The following ANKRD18A variants were observed in gnomAD, a reference collection of about 807,000 sequenced individuals.
The protein encoded by ANKRD18A is ankyrin repeat domain-containing protein 18A.
In ANKRD18A, 72 loss-of-function variants were observed where a neutral mutation model predicts 110.6. The observed-to-expected ratio is 0.65, with a 90% CI of 0.54 to 0.79. The LOEUF (loss-of-function observed/expected upper bound fraction) is 0.79. Among genes scored for constraint, ANKRD18A ranks in the 30% least tolerant of loss-of-function variants. The pLI is 0.00. For missense variants in ANKRD18A, 934 were observed against 1,163.3 expected, an observed-to-expected ratio of 0.80 and a Z score of 2.87; for synonymous variants, 305 against 410.3, an observed-to-expected ratio of 0.74 and a Z score of 3.10.
chr9:38,585,936 T>A (rs1158691639), intron 12 of ANKRD18A, among the ~76,000 whole-genome samples: 8 of 152,144 alleles, frequency 5.3e-5, no homozygotes, highest in Admixed American at 2.6e-4. Flanking sequence ...ATCTTCTTAC[T>A]TATAAGTGGG....
intron 5 of ANKRD18A, among the ~76,000 whole-genome samples, chr9:38,608,709 TATA>T (rs1296903158): frequency 4.8e-5 from 7 of 146,978 alleles, no homozygotes; most frequent in Non-Finnish European, 1.1e-4. Context: ...ATATACATTA[TATA>T]ATAATTATAT....
chr9:38,616,839 T>C (rs1039740025), intron 1 of ANKRD18A, among the ~76,000 whole-genome samples: 2 of 152,220 alleles, frequency 1.3e-5, no homozygotes, highest in Non-Finnish European at 2.9e-5. Context: ...TGCAGGATGA[T>C]TTAAAGATTA....
At chr9:38,583,415 G>T (rs1587494133) in intron 12 of ANKRD18A, among the ~76,000 whole-genome samples, 1 of 152,128 alleles carries the variant, frequency 6.6e-6, no homozygotes, top group African/African-American at 2.4e-5. Flanking sequence ...ACGGAGTCTT[G>T]TTCCGTAGCC....
intron 5 of ANKRD18A, among the ~76,000 whole-genome samples, chr9:38,609,882 C>A (rs2118863424): frequency 6.7e-6 from 1 of 149,794 alleles, no homozygotes; most frequent in Middle Eastern, 3.4e-3. Context: ...GTTTGCGAGG[C>A]CAAGGCAGGA....
At chr9:38,583,929 G>A (rs2890808) in intron 12 of ANKRD18A, among the ~76,000 whole-genome samples, 38,399 of 152,124 alleles carry the variant, frequency 0.25, 5,354 homozygotes, top group East Asian at 0.45. Context: ...GTCCGGTGCA[G>A]ATAAGGGAAC....
At chr9:38,580,898 G>A (rs1824133630) in intron 12 of ANKRD18A, among the ~76,000 whole-genome samples, 2 of 151,844 alleles carry the variant, frequency 1.3e-5, no homozygotes, top group Admixed American at 1.3e-4. Context: ...AGAGAGATCA[G>A]TCCACAAAGA....
At chr9:38,607,182 G>A (rs1825399218) in intron 6 of ANKRD18A, among the ~76,000 whole-genome samples, 2 of 151,948 alleles carry the variant, frequency 1.3e-5, no homozygotes, top group South Asian at 2.1e-4. Flanking sequence ...TCAGCCTCCC[G>A]AGTAGCTGGG....
chr9:38,595,436 G>A, intron 9 of ANKRD18A, 50 bp downstream of exon 9: 1 of 1,385,370 alleles, frequency 7.2e-7, no homozygotes, highest in South Asian at 1.7e-5. Context: ...TAGCCAGAAT[G>A]AAATATTTAA....
At chr9:38,619,347 C>T (rs543074294) in intron 1 of ANKRD18A, among the ~76,000 whole-genome samples, 1 of 152,226 alleles carries the variant, frequency 6.6e-6, no homozygotes, top group African/African-American at 2.4e-5. Flanking sequence ...GAAACGTTAC[C>T]ATTATCCATC....
downstream of ANKRD18A, chr9:38,566,472 G>C (rs1234227845): frequency 2.0e-5 from 3 of 152,084 alleles, no homozygotes; most frequent in Non-Finnish European, 4.4e-5. Context: ...TCAGGATTTT[G>C]GTCACAACCA....
intron 5 of ANKRD18A, among the ~76,000 whole-genome samples, chr9:38,608,603 CTATA>C (rs991698384): frequency 7.2e-6 from 1 of 138,442 alleles, no homozygotes; most frequent in African/African-American, 2.7e-5. Context: ...AACTATATAG[CTATA>C]TATATTTATA....
intron 3 of ANKRD18A, among the ~76,000 whole-genome samples, chr9:38,614,766 T>C (rs565897031): frequency 1.3e-5 from 2 of 152,316 alleles, no homozygotes; most frequent in African/African-American, 2.4e-5. Flanking sequence ...GATTTTGCTA[T>C]TTATAAGCTG....
chr9:38,611,233 G>A lies in ANKRD18A; in HGVS notation c.584C>T (p.Ala195Val), dbSNP rs1825606902. 12 of 1,523,858 alleles carry A rather than the reference G, an allele frequency of 7.9e-6. No individual in the cohort carries two copies. Among genetic ancestry groups the A allele is most frequent in the Non-Finnish European group, 1.1e-5 (12 of 1,139,382 alleles). The allele number at this position is 1,523,858 out of a possible 1,614,324, so 94.4% of individuals were successfully genotyped here. A position where few individuals can be genotyped will look rare whatever the true frequency, so the allele number is the denominator to read the frequency against. ...ATTGCACCTTTTGAAATTGTCAACG[G>A]CATGTATATTTGCCTGGTTCTTCAA... ...FLLKNQANIH[A>V]VDNFKRTALI... The change falls in exon 4 of 16, where the codon GCC becomes GTC. Residue 195 changes from alanine to valine, a missense_variant. Around this residue, in one of 4 missense-constraint regions of ANKRD18A, gnomAD observed 630 missense variants for 797.5 expected, o/e 0.79. Transcript: ENST00000399703.
At chr9:38,612,965 A>C (rs1033590195) in intron 3 of ANKRD18A, among the ~76,000 whole-genome samples, 6 of 151,862 alleles carry the variant, frequency 4.0e-5, no homozygotes, top group Non-Finnish European at 7.4e-5. Flanking sequence ...GATATAAAAA[A>C]AGAGTTAAAA....
Position 38,610,890 on chromosome 9 carries a change from A to G in ANKRD18A, c.602+325T>C, listed in dbSNP as rs547465440. Among the ~76,000 whole-genome samples the G allele has an allele frequency of 7.7e-3, 1,149 of 149,762 alleles. 12 individuals are homozygous for G. Among genetic ancestry groups the G allele is most frequent in the Non-Finnish European group, 8.8e-3 (593 of 67,740 alleles). On this transcript the variant is annotated intron_variant, in intron 4 of 15. Transcript: ENST00000399703. ...TAATAATAATAATAATGGTAATAGT[A>G]GTAGTTGTAAACTGAAAGTTAAAGT...
intron 11 of ANKRD18A, among the ~76,000 whole-genome samples, chr9:38,586,547 G>T (rs1338063006): frequency 1.3e-5 from 2 of 151,088 alleles, no homozygotes; most frequent in Admixed American, 1.3e-4. Context: ...TAGCCATACA[G>T]TTTTTGGTTT....
chr9:38,611,009 G>A (rs557808012), intron 4 of ANKRD18A, among the ~76,000 whole-genome samples: 1 of 152,124 alleles, frequency 6.6e-6, no homozygotes, highest in South Asian at 2.1e-4. Context: ...CAGTCTATAA[G>A]AGAAGATGAA....
In ANKRD18A at chr9:38,583,193, T is replaced by C. The variant is rs558050484; in HGVS notation, c.2247+2990A>G. Among the ~76,000 whole-genome samples, 24 of 152,232 alleles carry C rather than the reference T, an allele frequency of 1.6e-4. No homozygotes were observed. The South Asian group carries it at 3.3e-3, about 21-fold the overall frequency. On this transcript the variant is annotated intron_variant, in intron 12 of 15. Coordinates refer to ENST00000399703, the MANE Select transcript of ANKRD18A (RefSeq NM_147195.4). ...AGTGTTAGGAAAAATGTAAAGAAAT[T>C]AAAGCCCTTATCCAATGCTGCCGGG...
chr9:38,618,272 A>G (rs1825938601), intron 1 of ANKRD18A, among the ~76,000 whole-genome samples: 3 of 152,328 alleles, frequency 2.0e-5, no homozygotes, highest in East Asian at 1.9e-4. Flanking sequence ...ACTTTAAAAT[A>G]CAAATGCTCA....
Sources: gnomAD v4.1 joint callset for allele counts (sites outside exome capture counted in the v4.1 genomes callset) on GRCh38, gnomAD v4.1.1 for gene constraint, gnomAD v4.1.1 regional missense constraint, MANE v1.5 for transcripts, NCBI Gene and HGNC (gene_info 2026-07-23, HGNC 2026-07-21) for gene names.